The following NTRK3 variants were observed in gnomAD, a reference collection of about 807,000 sequenced individuals.
The protein encoded by NTRK3 is NT-3 growth factor receptor.
In NTRK3, 24 loss-of-function variants were observed where a neutral mutation model predicts 91.7. The observed-to-expected ratio is 0.26, with a 90% CI of 0.19 to 0.37. The LOEUF is 0.37. Among genes scored for constraint, NTRK3 ranks in the 10% least tolerant of loss-of-function variants. The pLI, the probability that NTRK3 is intolerant of heterozygous loss-of-function variation, is 1.00. For missense variants in NTRK3, 880 were observed against 1,068.9 expected, an observed-to-expected ratio of 0.82 and a Z score of 2.46; for synonymous variants, 483 against 404.0, an observed-to-expected ratio of 1.20 and a Z score of -2.34.
intron 3 of NTRK3, among the ~76,000 whole-genome samples, chr15:88,198,194 C>T (rs2047995631): frequency 6.6e-6 from 1 of 152,188 alleles, no homozygotes; most frequent in Non-Finnish European, 1.5e-5. Flanking sequence ...CTTGTAGCTT[C>T]AGTGGCTGAG....
At chr15:88,075,089 C>A (rs939278856) in intron 13 of NTRK3, among the ~76,000 whole-genome samples, 1 of 152,194 alleles carries the variant, frequency 6.6e-6, no homozygotes, top group Non-Finnish European at 1.5e-5. Flanking sequence ...AATATCTCCC[C>A]AAACTCCTTC....
chr15:87,997,361 C>T (rs1037648601), intron 14 of NTRK3, among the ~76,000 whole-genome samples: 13 of 152,266 alleles, frequency 8.5e-5, no homozygotes, highest in Admixed American at 2.6e-4. Context: ...GAGACATTTG[C>T]TATGCATTCT....
Position 87,917,232 on chromosome 15 carries a change from A to C in NTRK3, c.2133+11959T>G, listed in dbSNP as rs377619435. On this transcript the variant is annotated intron_variant, in intron 17 of 18. Transcript: ENST00000394480. Reference sequence around the variant, plus strand: ...ACACAACTGAGAACTTCCCACTTCTAAAGAATGTTAATAATTAGAAAGAAA... The same window carrying C: ...ACACAACTGAGAACTTCCCACTTCTCAAGAATGTTAATAATTAGAAAGAAA... 7.7e-4 allele frequency among the ~76,000 whole-genome samples: 118 copies of C among 152,340 alleles called. 2 individuals are homozygous for C. In the South Asian group the frequency reaches 0.024, roughly 30 times the overall value.
intron 17 of NTRK3, among the ~76,000 whole-genome samples, chr15:87,903,846 T>C (rs1483815587): frequency 6.6e-6 from 1 of 152,168 alleles, no homozygotes; most frequent in Non-Finnish European, 1.5e-5. Flanking sequence ...TTAAACTACA[T>C]TGGTGTTTGA....
intron 10 of NTRK3, among the ~76,000 whole-genome samples, chr15:88,130,172 C>T (rs2053666142): frequency 6.6e-6 from 1 of 152,154 alleles, no homozygotes; most frequent in Admixed American, 6.5e-5. Flanking sequence ...TGTGACATTC[C>T]TAGCAAACGA....
chr15:88,136,364 G>GT (rs1480198422), intron 8 of NTRK3, 103 bp downstream of exon 8: 1 of 1,452,148 alleles, frequency 6.9e-7, no homozygotes, highest in Non-Finnish European at 9.6e-7. Context: ...AAGTCTATGT[G>GT]TTTTTTCCTA....
chr15:87,888,175 G>C (rs1055581830), intron 17 of NTRK3, among the ~76,000 whole-genome samples: 1 of 152,114 alleles, frequency 6.6e-6, no homozygotes, highest in Admixed American at 6.5e-5. Context: ...ATGAGAGTTT[G>C]AAAAATTTGG....
intron 13 of NTRK3, among the ~76,000 whole-genome samples, chr15:88,093,938 G>A (rs887872412): frequency 2.0e-5 from 3 of 152,072 alleles, no homozygotes; most frequent in African/African-American, 4.8e-5. Context: ...CAATCCTATG[G>A]GAAACTGAGG....
At position 88,241,032 on chromosome 15, in the gene NTRK3, A is replaced by C. The variant is rs897926022; in HGVS notation, c.248+14874T>G. Among the ~76,000 whole-genome samples the C allele has an allele frequency of 8.5e-5, 13 of 152,198 alleles. No homozygotes were observed. Among genetic ancestry groups the C allele is most frequent in the Non-Finnish European group, 1.5e-4 (10 of 68,038 alleles). On this transcript the variant is annotated intron_variant, in intron 3 of 18. Transcript: ENST00000394480. The surrounding 1 kb of genome is among the most constrained non-coding windows in gnomAD (Gnocchi z 4.3). ...TACAGTCCACAGGTCTTTACTGAAC[A>C]CCTACTAGGTGGGGGCTCTTGGGGA...
At chr15:87,918,191 A>G (rs1369423) in intron 17 of NTRK3, among the ~76,000 whole-genome samples, 82,878 of 151,782 alleles carry the variant, frequency 0.55, 23,321 homozygotes, top group African/African-American at 0.69. Flanking sequence ...GGGCCAGTGC[A>G]ATGGCCTGCC....
intron 17 of NTRK3, among the ~76,000 whole-genome samples, chr15:87,917,798 C>T (rs2067553417): frequency 6.6e-6 from 1 of 152,162 alleles, no homozygotes; most frequent in Non-Finnish European, 1.5e-5. Context: ...GACACTCCTG[C>T]TCCTCCTTTG....
At chr15:88,188,085 G>A (rs564149415) in intron 3 of NTRK3, among the ~76,000 whole-genome samples, 4 of 152,132 alleles carry the variant, frequency 2.6e-5, no homozygotes, top group South Asian at 2.1e-4. Context: ...ACCCACTCCC[G>A]CTGTGGAGGA....
chr15:88,187,218 G>A (rs1406498960), intron 3 of NTRK3, among the ~76,000 whole-genome samples: 3 of 152,164 alleles, frequency 2.0e-5, no homozygotes, highest in Non-Finnish European at 4.4e-5. Context: ...GAGTGTGGAG[G>A]GGAAGGAAAC....
At chr15:88,211,935 C>T (rs1462179648) in intron 3 of NTRK3, among the ~76,000 whole-genome samples, 1 of 152,174 alleles carries the variant, frequency 6.6e-6, no homozygotes, top group African/African-American at 2.4e-5. Context: ...CTCATGAACA[C>T]ATTTAAACTG....
Position 88,255,997 on chromosome 15 carries a change from G to A in NTRK3, c.157C>T (p.Leu53Phe). The A allele has an allele frequency of 6.2e-7, 1 of 1,613,656 alleles. No individual in the cohort carries two copies. Reference sequence around the variant, plus strand: ...TCCTGCCCTTCCAGGAGGGGGAAGAGGTTCCCATCGTCCGGCCGCCGGCAA... The same window carrying A: ...TCCTGCCCTTCCAGGAGGGGGAAGAAGTTCCCATCGTCCGGCCGCCGGCAA... Residue 53 changes from leucine (L) to phenylalanine (F), a missense_variant, in exon 3 of 19, where the codon CTC becomes TTC. Physicochemically the swap from Leu to Phe is conservative, Grantham distance 22. Around this residue, in one of 3 missense-constraint regions of NTRK3, gnomAD observed 743 missense variants for 868.6 expected, o/e 0.86. Coordinates refer to ENST00000394480, the Ensembl canonical transcript of NTRK3. This position sits in a 1 kb window ranked among gnomAD's most constrained non-coding sequence, Gnocchi z 4.3.
At chr15:88,176,293 T>G (rs1182773432) in intron 5 of NTRK3, among the ~76,000 whole-genome samples, 14 of 152,056 alleles carry the variant, frequency 9.2e-5, no homozygotes, top group Non-Finnish European at 2.1e-4. Context: ...AGCGCCACCA[T>G]GCCCAGCTAA....
At chr15:87,888,647 G>A (rs903617731) in intron 17 of NTRK3, among the ~76,000 whole-genome samples, 1 of 152,148 alleles carries the variant, frequency 6.6e-6, no homozygotes, top group African/African-American at 2.4e-5. Context: ...TCACACGTTA[G>A]CAGGGCTGCC....
At chr15:88,221,357 A>C (rs1278601849) in intron 3 of NTRK3, among the ~76,000 whole-genome samples, 2 of 152,228 alleles carry the variant, frequency 1.3e-5, no homozygotes, top group Non-Finnish European at 2.9e-5. Flanking sequence ...TGCTGATGTC[A>C]TTACAAATTC....
chr15:88,001,935 A>G (rs1385291088), intron 14 of NTRK3, among the ~76,000 whole-genome samples: 2 of 152,206 alleles, frequency 1.3e-5, no homozygotes, highest in Admixed American at 1.3e-4. Flanking sequence ...GTACTGGTAT[A>G]TTAATAATAT....
Sources: allele counts gnomAD v4.1 joint callset (sites outside exome capture counted in the v4.1 genomes callset), GRCh38; gene constraint gnomAD v4.1.1; regional missense constraint gnomAD v4.1.1; non-coding constraint Gnocchi (gnomAD v3.1); transcripts MANE v1.5; gene names NCBI Gene and HGNC (gene_info 2026-07-23, HGNC 2026-07-21).